The following PRKAG2 variants were observed in gnomAD, a reference collection of about 807,000 sequenced individuals.
PRKAG2 encodes protein kinase AMP-activated non-catalytic subunit gamma 2, also known as 5'-AMP-activated protein kinase subunit gamma-2.
In PRKAG2, 26 loss-of-function variants were observed where a neutral mutation model predicts 69.6. That is an observed-to-expected ratio of 0.37 (90% confidence interval 0.27 to 0.52). The LOEUF (loss-of-function observed/expected upper bound fraction) is 0.52. Ranked by LOEUF, PRKAG2 falls within the 20% of genes least tolerant of loss-of-function variation. The probability of loss-of-function intolerance (pLI) is 0.90; values close to 1 mark genes in which losing one functional copy is unlikely to be tolerated. For synonymous variants in PRKAG2, 293 were observed against 285.0 expected (o/e 1.03, Z -0.28); for missense variants, 557 against 740.0 (o/e 0.75, Z 2.87).
At chr7:151,603,370 G>A (rs1359432010) in intron 5 of PRKAG2, among the ~76,000 whole-genome samples, 1 of 42,578 alleles carries the variant, frequency 2.3e-5, no homozygotes, top group Non-Finnish European at 4.0e-5. Flanking sequence ...CACCCGCTCC[G>A]TCCTCACCGC....
At chr7:151,696,974 G>C (rs1018819486) in intron 3 of PRKAG2, among the ~76,000 whole-genome samples, 1 of 152,200 alleles carries the variant, frequency 6.6e-6, no homozygotes, top group Non-Finnish European at 1.5e-5. Flanking sequence ...TTCCCCGAGA[G>C]CCAGGCAGAA....
chr7:151,874,525 G>GTAT lies in PRKAG2; in HGVS notation c.114+1981_114+1982insATA, dbSNP rs1554622254. 2.2e-3 allele frequency among the ~76,000 whole-genome samples: 157 copies of GTAT among 72,514 alleles called. 7 individuals carry two copies. The highest frequency in any genetic ancestry group is 3.2e-3 in the African/African-American group (47 of 14,898). 47.6% of individuals were successfully genotyped at this position (72,514 alleles called of 152,430 possible). On this transcript the variant is annotated intron_variant, in intron 1 of 15. Transcript: ENST00000287878. Reference sequence around the variant, plus strand: ...ATATGATGTATATGTATATGTATATGATGTATATGTATATGTATATGTATA... The same window carrying GTAT: ...ATATGATGTATATGTATATGTATATGTATATGTATATGTATATGTATATGTATA...
At chr7:151,589,938 A>G (rs1353446249) in intron 6 of PRKAG2, among the ~76,000 whole-genome samples, 4 of 152,210 alleles carry the variant, frequency 2.6e-5, no homozygotes, top group Non-Finnish European at 5.9e-5. Flanking sequence ...CTGTCTTTAA[A>G]AAAAAGAAGA....
At position 151,604,459 on chromosome 7, in the gene PRKAG2, A is replaced by G. The variant is rs939211604; in HGVS notation, c.755-9005T>C. ...TGAGACCAGCCTGGGCAACATAGTG[A>G]GATCCCGTTTCTACAAAACATAAAA... On this transcript the variant is annotated intron_variant, in intron 5 of 15. Coordinates refer to ENST00000287878, the MANE Select transcript of PRKAG2 (RefSeq NM_016203.4). Among the ~76,000 whole-genome samples, 61 of 151,916 alleles carry G rather than the reference A, an allele frequency of 4.0e-4. 1 individual carries two copies. Among genetic ancestry groups the G allele is most frequent in the Non-Finnish European group, 1.2e-4 (8 of 68,036 alleles).
chr7:151,795,745 G>A (rs2151830644), intron 1 of PRKAG2, among the ~76,000 whole-genome samples: 2 of 151,612 alleles, frequency 1.3e-5, no homozygotes, highest in Middle Eastern at 3.4e-3. Flanking sequence ...TCTGCTTCAT[G>A]ATTGCAGCAT....
chr7:151,719,643 C>T lies in PRKAG2; in HGVS notation c.467-44006G>A, dbSNP rs181434046. 1.2e-3 allele frequency among the ~76,000 whole-genome samples: 178 copies of T among 152,300 alleles called. No individual in the cohort carries two copies. Among genetic ancestry groups the T allele is most frequent in the African/African-American group, 4.0e-3 (166 of 41,586 alleles). ...GTGTGTGTTGAGTCCTGTCCTGGCA[C>T]CTGCCTCTCAAGGGACCTGCATTCC... On this transcript the variant is annotated intron_variant, in intron 3 of 15. Coordinates refer to ENST00000287878, the MANE Select transcript of PRKAG2 (RefSeq NM_016203.4). The surrounding 1 kb of genome is among the most constrained non-coding windows in gnomAD (Gnocchi z 5.2).
chr7:151,840,656 T>A (rs1302390148), intron 1 of PRKAG2, among the ~76,000 whole-genome samples: 2 of 152,180 alleles, frequency 1.3e-5, no homozygotes, highest in African/African-American at 4.8e-5. Context: ...CCTCCCAAGA[T>A]GGAAGTTCAC....
At chr7:151,769,371 C>T (rs1301191367) in intron 3 of PRKAG2, among the ~76,000 whole-genome samples, 2 of 152,166 alleles carry the variant, frequency 1.3e-5, no homozygotes, top group East Asian at 1.9e-4. Context: ...AAGTTGAGGT[C>T]GCAGTGGAGT....
At chr7:151,841,544 AGTAGGTAGGGATGGTAGTGATG>A (rs1400010862) in intron 1 of PRKAG2, among the ~76,000 whole-genome samples, 14 of 132,562 alleles carry the variant, frequency 1.1e-4, no homozygotes, top group African/African-American at 4.1e-4. Context: ...TGGTAGTGAT[AGTAGGTAGGGATGGTAGTGATG>A]GTAGGTAGTG....
At chr7:151,864,669 G>A (rs1020778243) in intron 1 of PRKAG2, among the ~76,000 whole-genome samples, 1 of 152,210 alleles carries the variant, frequency 6.6e-6, no homozygotes, top group South Asian at 2.1e-4. Context: ...TTCTCCTGGC[G>A]CTGGCAGCTC....
At chr7:151,718,661 T>G (rs1253775461) in intron 3 of PRKAG2, among the ~76,000 whole-genome samples, 1 of 62,806 alleles carries the variant, frequency 1.6e-5, no homozygotes. Context: ...AAAACCCAGG[T>G]TTTTTTTGCA....
At chr7:151,762,217 C>T (rs372271902) in intron 3 of PRKAG2, among the ~76,000 whole-genome samples, 7 of 152,174 alleles carry the variant, frequency 4.6e-5, no homozygotes, top group African/African-American at 1.4e-4. Flanking sequence ...GAGAGGAAGG[C>T]CCTGCATGGT....
At chr7:151,641,980 GC>G (rs1312442455) in intron 4 of PRKAG2, among the ~76,000 whole-genome samples, 3 of 143,342 alleles carry the variant, frequency 2.1e-5, no homozygotes, top group Admixed American at 1.4e-4. Context: ...GATCACTTGA[GC>G]CCAGGAGTTT....
intron 1 of PRKAG2, among the ~76,000 whole-genome samples, chr7:151,806,005 C>T (rs184139952): frequency 3.9e-4 from 59 of 152,336 alleles, no homozygotes; most frequent in African/African-American, 1.4e-3. Context: ...TCTAGACCAG[C>T]CTGGCCAAAC....
At chr7:151,686,332 T>A (rs780384122) in intron 3 of PRKAG2, among the ~76,000 whole-genome samples, 2 of 152,214 alleles carry the variant, frequency 1.3e-5, no homozygotes, top group African/African-American at 2.4e-5. Flanking sequence ...AAAGTAATTG[T>A]TAGTTCCCAT....
At chr7:151,675,700 T>A in intron 3 of PRKAG2, 63 bp from the exon 4 acceptor site, 1 of 1,484,848 alleles carries the variant, frequency 6.7e-7, no homozygotes, top group Non-Finnish European at 9.4e-7. Context: ...TCGGGGGTGG[T>A]CAGAGGTCTG....
chr7:151,716,939 G>A (rs543680027), intron 3 of PRKAG2, among the ~76,000 whole-genome samples: 94 of 152,272 alleles, frequency 6.2e-4, no homozygotes, highest in Non-Finnish European at 1.1e-3. Flanking sequence ...ACAAAAATTC[G>A]AGGCAACAAA....
intron 2 of PRKAG2, 71 bp downstream of exon 2, chr7:151,786,399 G>T: frequency 1.4e-6 from 2 of 1,419,348 alleles, no homozygotes; most frequent in South Asian, 1.2e-5. Context: ...AGGTGGAAGT[G>T]GGCTCAGGCT....
chr7:151,859,997 T>G (rs1240371711), intron 1 of PRKAG2, among the ~76,000 whole-genome samples: 3 of 152,182 alleles, frequency 2.0e-5, no homozygotes, highest in Non-Finnish European at 4.4e-5. Flanking sequence ...CTCCGCCACC[T>G]GCAGGTGGGA....
Sources: allele counts gnomAD v4.1 joint callset (sites outside exome capture counted in the v4.1 genomes callset), GRCh38; gene constraint gnomAD v4.1.1; non-coding constraint Gnocchi (gnomAD v3.1); transcripts MANE v1.5; gene names NCBI Gene and HGNC (gene_info 2026-07-23, HGNC 2026-07-21).